The following ADAMTS19 variants were observed in gnomAD, a reference collection of about 807,000 sequenced individuals.
The protein encoded by ADAMTS19 is A disintegrin and metalloproteinase with thrombospondin motifs 19.
Under a neutral mutation model 153.3 loss-of-function variants are expected in ADAMTS19, and 93 were observed. The observed-to-expected ratio is 0.61, with a 90% CI of 0.51 to 0.72. ADAMTS19 has a LOEUF of 0.72. Ranked by LOEUF, ADAMTS19 falls within the 30% of genes least tolerant of loss-of-function variation. The pLI, the probability that ADAMTS19 is intolerant of heterozygous loss-of-function variation, is 0.00. For missense variants in ADAMTS19, 1,482 were observed against 1,552.1 expected, an observed-to-expected ratio of 0.95 and a Z score of 0.76; for synonymous variants, 600 against 556.6, an observed-to-expected ratio of 1.08 and a Z score of -1.10.
chr5:129,581,441 G>A (rs538604524), intron 7 of ADAMTS19, among the ~76,000 whole-genome samples: 1 of 152,036 alleles, frequency 6.6e-6, no homozygotes, highest in South Asian at 2.1e-4. Flanking sequence ...GTGACCAGTG[G>A]TGATATCCTC....
intron 3 of ADAMTS19, among the ~76,000 whole-genome samples, chr5:129,509,972 A>C (rs1751386174): frequency 6.6e-6 from 1 of 151,964 alleles, no homozygotes; most frequent in East Asian, 1.9e-4. Context: ...TGAAAGTCAT[A>C]GCTAATATTC....
At chr5:129,530,168 T>C (rs1458267815) in intron 6 of ADAMTS19, among the ~76,000 whole-genome samples, 2 of 151,906 alleles carry the variant, frequency 1.3e-5, no homozygotes, top group African/African-American at 4.8e-5. Flanking sequence ...ATGTCCAGAG[T>C]ATAATAAAAA....
At chr5:129,516,156 A>T (rs1027945357) in intron 3 of ADAMTS19, among the ~76,000 whole-genome samples, 1 of 151,724 alleles carries the variant, frequency 6.6e-6, no homozygotes, top group Non-Finnish European at 1.5e-5. Context: ...TGATGAATGA[A>T]CTTTCTAATG....
At chr5:129,636,395 G>C (rs1288934484) in intron 10 of ADAMTS19, among the ~76,000 whole-genome samples, 1 of 152,034 alleles carries the variant, frequency 6.6e-6, no homozygotes, top group African/African-American at 2.4e-5. Context: ...ATTTAAAATA[G>C]GTTCTTCCTT....
intron 16 of ADAMTS19, among the ~76,000 whole-genome samples, chr5:129,678,351 C>G (rs1316341307): frequency 6.6e-6 from 1 of 152,100 alleles, no homozygotes; most frequent in East Asian, 1.9e-4. Context: ...TAACATCCCT[C>G]AGAGGAGCCT....
intron 3 of ADAMTS19, among the ~76,000 whole-genome samples, chr5:129,519,777 T>G (rs1388503034): frequency 6.6e-6 from 1 of 152,160 alleles, no homozygotes; most frequent in African/African-American, 2.4e-5. Context: ...ATTTATATAT[T>G]GCTTGGATTA....
chr5:129,608,846 C>CAAAAAAAAAAAAGAAAA (rs3979147), intron 8 of ADAMTS19, among the ~76,000 whole-genome samples: 1 of 130,682 alleles, frequency 7.7e-6, no homozygotes, highest in African/African-American at 3.0e-5. Context: ...GACTCTGTCT[C>CAAAAAAAAAAAAGAAAA]AAAAAAAAAA....
At chr5:129,533,642 G>C (rs904695797) in intron 6 of ADAMTS19, among the ~76,000 whole-genome samples, 3 of 152,090 alleles carry the variant, frequency 2.0e-5, no homozygotes, top group Non-Finnish European at 2.9e-5. Context: ...GCTAGCTTTT[G>C]AATGTGTTTG....
intron 7 of ADAMTS19, among the ~76,000 whole-genome samples, chr5:129,585,104 C>G (rs1208287893): frequency 1.3e-5 from 2 of 151,964 alleles, no homozygotes; most frequent in African/African-American, 4.8e-5. Context: ...CCGGAATGCA[C>G]CCTTCCTCAA....
intron 6 of ADAMTS19, among the ~76,000 whole-genome samples, chr5:129,550,048 ATCTG>A: frequency 1.5e-5 from 1 of 66,886 alleles, no homozygotes; most frequent in Non-Finnish European, 3.2e-5. Flanking sequence ...ATATACATGT[ATCTG>A]TATATGTATG....
intron 8 of ADAMTS19, among the ~76,000 whole-genome samples, chr5:129,618,972 A>G (rs1194961186): frequency 6.6e-6 from 1 of 152,100 alleles, no homozygotes; most frequent in Non-Finnish European, 1.5e-5. Context: ...AGAGTGAACC[A>G]AAAGTAAAAA....
chr5:129,623,261 G>A (rs1747471404), intron 10 of ADAMTS19, among the ~76,000 whole-genome samples: 1 of 152,106 alleles, frequency 6.6e-6, no homozygotes, highest in Non-Finnish European at 1.5e-5. Context: ...AAAATCTAAA[G>A]GATGAAGCAA....
chr5:129,685,004 A>C (rs559013773), intron 18 of ADAMTS19, among the ~76,000 whole-genome samples: 112 of 92,518 alleles, frequency 1.2e-3, no homozygotes, highest in Admixed American at 4.9e-3. Flanking sequence ...AAAAGAAAAG[A>C]AAAAAAAAAA....
chr5:129,709,277 G>T (rs572547473), intron 21 of ADAMTS19, among the ~76,000 whole-genome samples: 1 of 151,940 alleles, frequency 6.6e-6, no homozygotes, highest in Non-Finnish European at 1.5e-5. Context: ...ATCTCAAAAT[G>T]GTGTTCTACA....
intron 18 of ADAMTS19, among the ~76,000 whole-genome samples, chr5:129,685,465 C>T (rs1332050714): frequency 6.6e-6 from 1 of 151,574 alleles, no homozygotes; most frequent in Non-Finnish European, 1.5e-5. Flanking sequence ...TCAAAAGTTG[C>T]AATAAATAAA....
chr5:129,581,367 A>T (rs1025360378), intron 7 of ADAMTS19, among the ~76,000 whole-genome samples: 2 of 151,982 alleles, frequency 1.3e-5, no homozygotes, highest in African/African-American at 4.8e-5. Flanking sequence ...TATTTCTTCT[A>T]GATTTTCTAG....
intron 2 of ADAMTS19, among the ~76,000 whole-genome samples, chr5:129,480,498 T>A (rs909593056): frequency 6.6e-6 from 1 of 152,154 alleles, no homozygotes; most frequent in African/African-American, 2.4e-5. Context: ...AAAAGATATA[T>A]CTGATAAAGC....
At chr5:129,489,108 A>G (rs1750686010) in intron 2 of ADAMTS19, among the ~76,000 whole-genome samples, 1 of 151,960 alleles carries the variant, frequency 6.6e-6, no homozygotes. Context: ...TTGTTTTTAT[A>G]TTTTCTAGGA....
chr5:129,535,061 C>G lies in ADAMTS19; in HGVS notation c.1328+6384C>G, dbSNP rs1752363065. ...TCAACATAGTGTTGGAAGTTCTGGCCAGGACAGTCAGGCAGGAGAAGGAAA... is the reference window on the plus strand; with the variant it reads ...TCAACATAGTGTTGGAAGTTCTGGCGAGGACAGTCAGGCAGGAGAAGGAAA... On this transcript the variant is annotated intron_variant, in intron 6 of 22. Transcript: ENST00000274487. Among the ~76,000 whole-genome samples, 5 of 152,078 alleles carry G rather than the reference C, an allele frequency of 3.3e-5. No individual in the cohort carries two copies. In the South Asian group the frequency reaches 1.0e-3, roughly 31 times the overall value.
Sources: allele counts gnomAD v4.1 joint callset (sites outside exome capture counted in the v4.1 genomes callset), GRCh38; gene constraint gnomAD v4.1.1; transcripts MANE v1.5; gene names NCBI Gene and HGNC (gene_info 2026-07-23, HGNC 2026-07-21).